CRACD: variants seen among roughly 807,000 people sequenced by gnomAD.
The protein encoded by CRACD is capping protein-inhibiting regulator of actin dynamics.
CRACD carries 56 observed loss-of-function variants against 106.8 expected under a neutral mutation model. The ratio of observed to expected loss-of-function variants is 0.52; its 90% CI spans 0.42 to 0.66. CRACD has a LOEUF of 0.66. CRACD is among the 30% of genes least tolerant of loss of function. The probability of loss-of-function intolerance (pLI) is 0.00; values close to 1 mark genes in which losing one functional copy is unlikely to be tolerated. For missense variants in CRACD, 1,730 were observed against 1,623.2 expected, an observed-to-expected ratio of 1.07 and a Z score of -1.13; for synonymous variants, 754 against 670.8, an observed-to-expected ratio of 1.12 and a Z score of -1.92.
chr4:56,208,699 A>T (rs1738249915), intron 2 of CRACD, among the ~76,000 whole-genome samples: 1 of 152,234 alleles, frequency 6.6e-6, no homozygotes, highest in Non-Finnish European at 1.5e-5. Flanking sequence ...TGGAGGCTTC[A>T]GGGGCTCTCT....
intron 2 of CRACD, among the ~76,000 whole-genome samples, chr4:56,230,787 C>T (rs1739574776): frequency 6.6e-6 from 1 of 152,158 alleles, no homozygotes; most frequent in Non-Finnish European, 1.5e-5. Context: ...AAATGGGTTC[C>T]AGCATTTCTT....
chr4:56,308,224 T>C (rs1175611105), intron 5 of CRACD, among the ~76,000 whole-genome samples: 3 of 152,126 alleles, frequency 2.0e-5, no homozygotes, highest in African/African-American at 4.8e-5. Context: ...AAGAAATGCG[T>C]AGGGGCTCCA....
chr4:56,167,332 C>T (rs1049360831), intron 1 of CRACD, among the ~76,000 whole-genome samples: 2 of 152,122 alleles, frequency 1.3e-5, no homozygotes, highest in African/African-American at 4.8e-5. Flanking sequence ...CAATGTGTAT[C>T]TAACTTATTA....
chr4:56,148,388 T>A (rs1011174793), intron 1 of CRACD, among the ~76,000 whole-genome samples: 2 of 152,006 alleles, frequency 1.3e-5, no homozygotes, highest in Admixed American at 6.6e-5. Flanking sequence ...CTTGTGGGGC[T>A]CAAGGGATCC....
rs530165517 is a variant in CRACD at position 56,262,451 on chromosome 4, G to T, written c.-188-9870G>T. Among the ~76,000 whole-genome samples the T allele has an allele frequency of 3.9e-5, 6 of 152,308 alleles. No homozygotes were observed. The East Asian group carries it at 1.2e-3, about 29-fold the overall frequency. On this transcript the variant is annotated intron_variant, in intron 2 of 10. Coordinates refer to ENST00000682029, the MANE Select transcript of CRACD (RefSeq NM_001393381.1). ...TAGAGGCCACATGCAGCCCAGAATG[G>T]CTTTGAGTGCAGCCAGCCCCACACA...
intron 2 of CRACD, among the ~76,000 whole-genome samples, chr4:56,218,492 C>T (rs181648002): frequency 3.0e-5 from 4 of 135,088 alleles, no homozygotes; most frequent in African/African-American, 8.3e-5. Context: ...CTTTCCTTCC[C>T]CTCCCTTATC....
intron 1 of CRACD, among the ~76,000 whole-genome samples, chr4:56,147,893 G>A (rs924763054): frequency 2.6e-5 from 4 of 152,194 alleles, no homozygotes; most frequent in African/African-American, 9.7e-5. Flanking sequence ...TAACATGACT[G>A]TATTTTGAGA....
chr4:56,296,802 C>T (rs1744067321), intron 3 of CRACD, among the ~76,000 whole-genome samples: 1 of 152,172 alleles, frequency 6.6e-6, no homozygotes, highest in African/African-American at 2.4e-5. Flanking sequence ...TCAGTGTGTA[C>T]TCTTTCCCAG....
chr4:56,237,135 T>TG (rs1740022544), intron 2 of CRACD, among the ~76,000 whole-genome samples: 1 of 152,090 alleles, frequency 6.6e-6, no homozygotes, highest in African/African-American at 2.4e-5. Context: ...AGAAAAAACC[T>TG]GGAATAGCTG....
In CRACD at chr4:56,314,365, G is replaced by C; in HGVS notation, c.863G>C (p.Arg288Pro). Residue 288 changes from arginine (R) to proline (P), a missense_variant, in exon 8 of 11, where the codon CGG becomes CCG. Physicochemically the swap from Arg to Pro is moderately radical, Grantham distance 103 (BLOSUM62 -2). Transcript: ENST00000682029. The surrounding 1 kb of genome is among the most constrained non-coding windows in gnomAD (Gnocchi z 4.4). Reference sequence around the variant, plus strand: ...CCTCTAGAGGCGGAAAGGGCGCCGCGGGAAGAGCAGCAGCGGAGCCTGGAA... The same window carrying C: ...CCTCTAGAGGCGGAAAGGGCGCCGCCGGAAGAGCAGCAGCGGAGCCTGGAA... Reference protein sequence around the residue: ...EPPLEAERAPREEQQRSLEAP... With the variant: ...EPPLEAERAPPEEQQRSLEAP... The C allele has an allele frequency of 6.5e-7, 1 of 1,547,958 alleles. No individual in the cohort carries two copies. The highest frequency in any genetic ancestry group is 8.7e-7 in the Non-Finnish European group (1 of 1,146,300).
chr4:56,180,388 C>T (rs1162489648), intron 2 of CRACD, among the ~76,000 whole-genome samples: 3 of 152,022 alleles, frequency 2.0e-5, no homozygotes, highest in Non-Finnish European at 2.9e-5. Flanking sequence ...ACTTGGGAGG[C>T]TGAGGCAGGA....
chr4:56,127,377 T>C (rs1734692331), intron 1 of CRACD, among the ~76,000 whole-genome samples: 1 of 152,220 alleles, frequency 6.6e-6, no homozygotes, highest in Non-Finnish European at 1.5e-5. Flanking sequence ...AAAATAACTT[T>C]ATTAGAAAGA....
At position 56,182,861 on chromosome 4, in the gene CRACD, A is replaced by ATGTGTGTGTGTGTGTG. The variant is rs763638808; in HGVS notation, c.-189+3432_-189+3433insGTGTGTGTGTGTGTGT. Among the ~76,000 whole-genome samples, 135 of 101,986 alleles carry ATGTGTGTGTGTGTGTG rather than the reference A, an allele frequency of 1.3e-3. 2 individuals are homozygous for ATGTGTGTGTGTGTGTG. The highest frequency in any genetic ancestry group is 4.7e-3 in the African/African-American group (130 of 27,572). 66.9% of individuals were successfully genotyped at this position (101,986 alleles called of 152,430 possible). On this transcript the variant is annotated intron_variant, in intron 2 of 10. Coordinates refer to ENST00000682029, the MANE Select transcript of CRACD (RefSeq NM_001393381.1). ...TTCTCATACAACGTAGAAAAAAAAG[A>ATGTGTGTGTGTGTGTG]TATGTGTGTGTGTGTGTGTGTGTGT...
At chr4:56,270,250 G>T (rs568561248) in intron 2 of CRACD, among the ~76,000 whole-genome samples, 1 of 151,522 alleles carries the variant, frequency 6.6e-6, no homozygotes, top group African/African-American at 2.4e-5. Context: ...TTAGAGATGG[G>T]GTCTCATATT....
intron 1 of CRACD, among the ~76,000 whole-genome samples, chr4:56,075,580 C>T (rs1732812640): frequency 6.6e-6 from 1 of 152,064 alleles, no homozygotes; most frequent in African/African-American, 2.4e-5. Flanking sequence ...TTTCATCACC[C>T]TAAAAAGAAA....
At chr4:56,137,736 C>G (rs1001006355) in intron 1 of CRACD, among the ~76,000 whole-genome samples, 5 of 152,134 alleles carry the variant, frequency 3.3e-5, no homozygotes, top group African/African-American at 1.2e-4. Context: ...GCCTGTAGTC[C>G]CAGCTACTCG....
intron 3 of CRACD, among the ~76,000 whole-genome samples, chr4:56,278,420 T>C (rs1742800404): frequency 6.6e-6 from 1 of 152,196 alleles, no homozygotes; most frequent in African/African-American, 2.4e-5. Flanking sequence ...GAAGAGTTTT[T>C]CAACAAATAT....
At chr4:56,272,036 GCCCTGGCC>G (rs964225729) in intron 2 of CRACD, among the ~76,000 whole-genome samples, 4 of 152,192 alleles carry the variant, frequency 2.6e-5, no homozygotes, top group Admixed American at 1.3e-4. Flanking sequence ...GAGCCACCAT[GCCCTGGCC>G]ACTTGGAACC....
At chr4:56,292,824 A>G (rs1330701627) in intron 3 of CRACD, among the ~76,000 whole-genome samples, 1 of 152,124 alleles carries the variant, frequency 6.6e-6, no homozygotes, top group Non-Finnish European at 1.5e-5. Context: ...GCGACTGGCC[A>G]CCTCTAAAAT....
Sources: gnomAD v4.1 joint callset for allele counts (sites outside exome capture counted in the v4.1 genomes callset) on GRCh38, gnomAD v4.1.1 for gene constraint, Gnocchi (gnomAD v3.1) non-coding constraint, MANE v1.5 for transcripts, NCBI Gene and HGNC (gene_info 2026-07-23, HGNC 2026-07-21) for gene names.